CEP55: variants seen among roughly 807,000 people sequenced by gnomAD.
CEP55 encodes the protein centrosomal protein of 55 kDa.
Under a neutral mutation model 63.2 loss-of-function variants are expected in CEP55, and 57 were observed. That is an observed-to-expected ratio of 0.90 (90% CI 0.73 to 1.13). The LOEUF is 1.13. CEP55 is among the 50% of genes most tolerant of loss of function. The pLI is 0.00. For missense variants in CEP55, 456 were observed against 518.9 expected (o/e 0.88, Z 1.18); for synonymous variants, 178 against 191.6 (o/e 0.93, Z 0.59).
intron 4 of CEP55, among the ~76,000 whole-genome samples, chr10:93,514,046 G>A (rs2057777754): frequency 6.6e-6 from 1 of 151,022 alleles, no homozygotes; most frequent in Non-Finnish European, 1.5e-5. Flanking sequence ...CCGCATTCAA[G>A]TGATCTGCTA....
At chr10:93,500,362 G>A in intron 2 of CEP55, 128 bp downstream of exon 2, 2 of 784,264 alleles carry the variant, frequency 2.6e-6, no homozygotes, top group Non-Finnish European at 4.1e-6. Context: ...TTGGAAAGCT[G>A]ACATTGGGTT....
intron 1 of CEP55, among the ~76,000 whole-genome samples, chr10:93,499,523 T>C (rs1195521240): frequency 6.7e-6 from 1 of 148,466 alleles, no homozygotes; most frequent in Non-Finnish European, 1.5e-5. Context: ...GTTGACTTTT[T>C]TTTTTTTTTT....
At chr10:93,527,435 AT>A (rs1320112302) in intron 8 of CEP55, among the ~76,000 whole-genome samples, 3 of 152,210 alleles carry the variant, frequency 2.0e-5, no homozygotes, top group East Asian at 3.8e-4. Flanking sequence ...TATCTGGGTA[AT>A]TTGGATAATT....
chr10:93,502,329 T>A (rs1034031260), intron 2 of CEP55, among the ~76,000 whole-genome samples: 8 of 152,192 alleles, frequency 5.3e-5, no homozygotes, highest in Non-Finnish European at 1.0e-4. Context: ...GTTAAGCTTG[T>A]GGCCAACTAT....
intron 3 of CEP55, among the ~76,000 whole-genome samples, chr10:93,505,577 C>G (rs960371946): frequency 1.3e-5 from 2 of 152,086 alleles, no homozygotes; most frequent in Non-Finnish European, 2.9e-5. Flanking sequence ...GTTTCCACCT[C>G]GAGGACTGAA....
chr10:93,526,781 T>C (rs942784806), intron 8 of CEP55, among the ~76,000 whole-genome samples: 3 of 152,166 alleles, frequency 2.0e-5, no homozygotes, highest in South Asian at 2.1e-4. Flanking sequence ...ATGTCCTTTG[T>C]AGGGACACGG....
At chr10:93,525,072 G>A (rs1023035569) in intron 8 of CEP55, among the ~76,000 whole-genome samples, 3 of 151,466 alleles carry the variant, frequency 2.0e-5, no homozygotes, top group African/African-American at 7.3e-5. Context: ...TCAACATAGT[G>A]TTGGAAGTTC....
Position 93,517,226 on chromosome 10 carries a change from G to C in CEP55, c.971G>C (p.Arg324Thr). The C allele has an allele frequency of 6.2e-7, 1 of 1,601,170 alleles. No individual in the cohort carries two copies. Among genetic ancestry groups the C allele is most frequent in the Non-Finnish European group, 8.5e-7 (1 of 1,173,884 alleles). ...GGAAAACTTGAAGAAGAGAAGAAGAGATCCGAAGAGCTCTTATCTCAGGTA... is the reference window on the plus strand; with the variant it reads ...GGAAAACTTGAAGAAGAGAAGAAGACATCCGAAGAGCTCTTATCTCAGGTA... The part of the protein sequence containing the change: ...ARGKLEEEKK[R>T]SEELLSQVQF... Residue 324 changes from arginine to threonine, a missense_variant, in exon 6 of 9, where the codon AGA (arginine) becomes ACA (threonine). Coordinates refer to ENST00000371485, the MANE Select transcript of CEP55 (RefSeq NM_018131.5).
intron 8 of CEP55, among the ~76,000 whole-genome samples, chr10:93,526,635 G>T (rs1216404279): frequency 2.0e-5 from 3 of 152,148 alleles, no homozygotes; most frequent in Non-Finnish European, 4.4e-5. Context: ...ACATGCACAC[G>T]TATGTTTATT....
intron 8 of CEP55, among the ~76,000 whole-genome samples, chr10:93,522,041 C>T (rs1016389343): frequency 1.7e-4 from 26 of 152,170 alleles, no homozygotes; most frequent in African/African-American, 5.6e-4. Context: ...AGTGCCTCTC[C>T]TCCTCCAAAG....
chr10:93,513,862 T>A (rs1273692167), intron 4 of CEP55, among the ~76,000 whole-genome samples: 2 of 152,180 alleles, frequency 1.3e-5, no homozygotes, highest in Non-Finnish European at 1.5e-5. Context: ...CTCCTTTTTA[T>A]AAGGATACTA....
chr10:93,528,040 A>C lies in CEP55; in HGVS notation c.1282A>C (p.Ser428Arg). ...NREKVAASPKSPTAALNESLV... is the reference protein window; with the variant it reads ...NREKVAASPKRPTAALNESLV... ...AGAAAAAGTTGCCGCCTCACCAAAA[A>C]GTCCCACTGCTGCACTCAATGAAAG... Residue 428 changes from serine (S) to arginine (R), a missense_variant, in exon 9 of 9, where the codon AGT (serine) becomes CGT (arginine). Ser to Arg is a moderately radical substitution (Grantham distance 110). Transcript: ENST00000371485. 1 of 1,614,130 alleles carries C rather than the reference A, an allele frequency of 6.2e-7. No homozygotes were observed.
intron 8 of CEP55, 102 bp from the exon 9 acceptor site, chr10:93,527,846 ACT>A (rs766843854): frequency 4.2e-6 from 4 of 952,356 alleles, no homozygotes. Context: ...GTGCCACTAC[ACT>A]CTGGCCTGGG....
At chr10:93,518,843 A>G (rs1257689952) in intron 6 of CEP55, 34 bp from the exon 7 acceptor site, 5 of 1,494,856 alleles carry the variant, frequency 3.3e-6, no homozygotes, top group Non-Finnish European at 4.6e-6. Flanking sequence ...AAAAGGTTGG[A>G]TGTGACAGCA....
chr10:93,503,897 T>G (rs983697421), intron 3 of CEP55, among the ~76,000 whole-genome samples: 2 of 152,050 alleles, frequency 1.3e-5, no homozygotes, highest in African/African-American at 2.4e-5. Flanking sequence ...TCTGTGACTC[T>G]GAACAAATTT....
chr10:93,520,655 G>A (rs889986677), intron 8 of CEP55, among the ~76,000 whole-genome samples: 2 of 151,872 alleles, frequency 1.3e-5, no homozygotes, highest in African/African-American at 2.4e-5. Context: ...TTGGGGGTCT[G>A]CATTTGAATA....
chr10:93,526,931 T>C (rs2057929216), intron 8 of CEP55, among the ~76,000 whole-genome samples: 1 of 151,848 alleles, frequency 6.6e-6, no homozygotes, highest in Non-Finnish European at 1.5e-5. Context: ...CAGGACCTGT[T>C]GTGGGGTGGG....
chr10:93,518,076 T>G (rs1402048295), intron 6 of CEP55, among the ~76,000 whole-genome samples: 3 of 152,186 alleles, frequency 2.0e-5, no homozygotes, highest in Non-Finnish European at 4.4e-5. Context: ...TTTTTAACAG[T>G]CCTACAAAAG....
intron 3 of CEP55, among the ~76,000 whole-genome samples, chr10:93,505,410 C>G (rs1040199569): frequency 6.6e-6 from 1 of 152,038 alleles, no homozygotes; most frequent in Admixed American, 6.5e-5. Flanking sequence ...TGGAGAACTG[C>G]CTAGGAGGGG....
Sources: gnomAD v4.1 joint callset for allele counts (sites outside exome capture counted in the v4.1 genomes callset) on GRCh38, gnomAD v4.1.1 for gene constraint, MANE v1.5 for transcripts, NCBI Gene and HGNC (gene_info 2026-07-23, HGNC 2026-07-21) for gene names.